ST8SIA2: variants seen among roughly 807,000 people sequenced by gnomAD.
ST8SIA2 encodes the protein ST8 alpha-N-acetyl-neuraminide alpha-2,8-sialyltransferase 2.
A neutral mutation model predicts 37.6 loss-of-function variants in ST8SIA2; 22 were observed. That is an observed-to-expected ratio of 0.58 (90% CI 0.42 to 0.83). The LOEUF is 0.83. ST8SIA2 is among the 40% of genes least tolerant of loss of function. The pLI is 0.00. For missense variants in ST8SIA2, 382 were observed against 484.7 expected (o/e 0.79, Z 1.99); for synonymous variants, 205 against 201.2 (o/e 1.02, Z -0.16).
chr15:92,404,254 T>A (rs2049491477), intron 1 of ST8SIA2, among the ~76,000 whole-genome samples: 1 of 152,214 alleles, frequency 6.6e-6, no homozygotes, highest in African/African-American at 2.4e-5. Context: ...AGAGCTACTC[T>A]TGGAAGATTA....
At position 92,464,448 on chromosome 15, in the gene ST8SIA2, G is replaced by T; in HGVS notation, c.*63G>T. ...TGCCAGCTACACCACAGGCAGATGG[G>T]AGTCGGGGTGGCACAAACAATAGAA... is the stretch of plus-strand genomic sequence containing the variant. On this transcript the variant is annotated 3_prime_UTR_variant, in exon 6 of 6. Coordinates refer to ENST00000268164, the MANE Select transcript of ST8SIA2 (RefSeq NM_006011.4). 6.3e-7 allele frequency: 1 copy of T among 1,586,634 alleles called. No individual in the cohort carries two copies. Among genetic ancestry groups the T allele is most frequent in the Middle Eastern group, 2.2e-4 (1 of 4,454 alleles).
chr15:92,394,035 C>T lies in ST8SIA2; in HGVS notation c.-30C>T, dbSNP rs376346311. ...CCGGCCCCTGCTCCTCGCGCCGGCCCGCGTGGGTCCCGGCGGGCGCGAACC... is the reference window on the plus strand; with the variant it reads ...CCGGCCCCTGCTCCTCGCGCCGGCCTGCGTGGGTCCCGGCGGGCGCGAACC... On this transcript the variant is annotated 5_prime_UTR_variant, in exon 1 of 6. Transcript: ENST00000268164. The T allele has an allele frequency of 1.7e-4, 258 of 1,532,640 alleles. No homozygotes were observed. The African/African-American group carries it at 3.4e-3, about 20-fold the overall frequency. The allele number at this position is 1,532,640 out of a possible 1,614,324, so 94.9% of individuals were successfully genotyped here. A position where few individuals can be genotyped will look rare whatever the true frequency, so the allele number is the denominator to read the frequency against.
chr15:92,428,586 G>A (rs542131692), intron 1 of ST8SIA2, among the ~76,000 whole-genome samples: 75 of 152,322 alleles, frequency 4.9e-4, no homozygotes, highest in Non-Finnish European at 7.5e-4. Flanking sequence ...CCAGGTGAAT[G>A]TGGGTTACAG....
intron 1 of ST8SIA2, chr15:92,420,896 T>C (rs1403574164): frequency 6.6e-6 from 1 of 152,180 alleles, no homozygotes; most frequent in Non-Finnish European, 1.5e-5. Context: ...ACTTGCTGTA[T>C]AGGAAAAGTA....
chr15:92,416,801 A>C (rs1483281988), intron 1 of ST8SIA2, among the ~76,000 whole-genome samples: 1 of 152,022 alleles, frequency 6.6e-6, no homozygotes, highest in Admixed American at 6.5e-5. Context: ...AGAAAAAAAA[A>C]TGCACATGTC....
chr15:92,451,153 A>G (rs1262589480), intron 5 of ST8SIA2, among the ~76,000 whole-genome samples: 1 of 152,186 alleles, frequency 6.6e-6, no homozygotes, highest in African/African-American at 2.4e-5. Flanking sequence ...GTATGAGGCC[A>G]CCCAGCATCT....
intron 1 of ST8SIA2, among the ~76,000 whole-genome samples, chr15:92,428,813 G>A (rs2049694760): frequency 6.6e-6 from 1 of 152,220 alleles, no homozygotes; most frequent in South Asian, 2.1e-4. Flanking sequence ...GAGACACTGG[G>A]TAGGTCATAA....
At position 92,464,526 on chromosome 15, in the gene ST8SIA2, A is replaced by G; in HGVS notation, c.*141A>G. On this transcript the variant is annotated 3_prime_UTR_variant, in exon 6 of 6. Transcript: ENST00000268164. ...AAGTGTAAAACAGTGACCAGAATAT[A>G]TATATCTATACCTGCATATATATAT... 1 of 854,774 alleles carries G rather than the reference A, an allele frequency of 1.2e-6. No individual in the cohort carries two copies. The highest frequency in any genetic ancestry group is 1.9e-6 in the Non-Finnish European group (1 of 522,040). 52.9% of individuals were successfully genotyped at this position (854,774 alleles called of 1,614,324 possible).
intron 3 of ST8SIA2, among the ~76,000 whole-genome samples, chr15:92,435,155 C>A (rs1256711431): frequency 1.3e-5 from 2 of 152,126 alleles, no homozygotes; most frequent in African/African-American, 2.4e-5. Context: ...ATCAGACATG[C>A]TAGCTGGGGA....
chr15:92,449,568 C>A (rs1308532148), intron 5 of ST8SIA2, among the ~76,000 whole-genome samples: 1 of 152,214 alleles, frequency 6.6e-6, no homozygotes, highest in Admixed American at 6.5e-5. Context: ...ACTTTCCTTG[C>A]AAAATCTCCA....
At chr15:92,432,732 G>A (rs1308287230) in intron 2 of ST8SIA2, among the ~76,000 whole-genome samples, 1 of 152,200 alleles carries the variant, frequency 6.6e-6, no homozygotes, top group Non-Finnish European at 1.5e-5. Flanking sequence ...CAAGAGAAGT[G>A]ATATCAGCCA....
chr15:92,438,899 C>A (rs1172735828), intron 4 of ST8SIA2, among the ~76,000 whole-genome samples: 1 of 152,224 alleles, frequency 6.6e-6, no homozygotes, highest in East Asian at 1.9e-4. Context: ...TTGAGAATCA[C>A]TGATCCACAG....
chr15:92,419,218 T>A (rs1307898724), intron 1 of ST8SIA2, among the ~76,000 whole-genome samples: 4 of 152,106 alleles, frequency 2.6e-5, no homozygotes, highest in Non-Finnish European at 4.4e-5. Context: ...ATCAGAGCTC[T>A]CTTGGTACAG....
chr15:92,456,564 C>A (rs537711977), intron 5 of ST8SIA2, among the ~76,000 whole-genome samples: 2 of 152,132 alleles, frequency 1.3e-5, no homozygotes, highest in Non-Finnish European at 2.9e-5. Flanking sequence ...AACAACATAC[C>A]GGACACAAAA....
Position 92,394,064 on chromosome 15 carries a change from C to T in ST8SIA2, c.-1C>T. The T allele has an allele frequency of 6.4e-7, 1 of 1,550,746 alleles. No individual in the cohort carries two copies. The highest frequency in any genetic ancestry group is 8.7e-7 in the Non-Finnish European group (1 of 1,146,676). ...TGGGTCCCGGCGGGCGCGAACCCAC[C>T]ATGCAGCTGCAGTTCCGGAGCTGGA... On this transcript the variant is annotated 5_prime_UTR_variant, in exon 1 of 6. Coordinates refer to ENST00000268164, the MANE Select transcript of ST8SIA2 (RefSeq NM_006011.4).
chr15:92,409,273 G>T (rs990531365), intron 1 of ST8SIA2, among the ~76,000 whole-genome samples: 1 of 152,168 alleles, frequency 6.6e-6, no homozygotes, highest in Non-Finnish European at 1.5e-5. Context: ...TATTAGGGAG[G>T]AGGGTTTTCA....
At chr15:92,413,707 G>T (rs946419663) in intron 1 of ST8SIA2, among the ~76,000 whole-genome samples, 16 of 152,224 alleles carry the variant, frequency 1.1e-4, no homozygotes, top group African/African-American at 3.6e-4. Context: ...TCAGGCCCCT[G>T]CGGTCATGTG....
At chr15:92,394,628 G>C (rs3784745) in intron 1 of ST8SIA2, among the ~76,000 whole-genome samples, 116,128 of 152,022 alleles carry the variant, frequency 0.76, 45,149 homozygotes, top group Non-Finnish European at 0.84. Context: ...AGGGGTTCCT[G>C]GGGCCGGAGC....
At chr15:92,460,572 C>T (rs1427691768) in intron 5 of ST8SIA2, among the ~76,000 whole-genome samples, 1 of 152,222 alleles carries the variant, frequency 6.6e-6, no homozygotes, top group East Asian at 1.9e-4. Context: ...AGCTTAGCTC[C>T]GTTGAGCGTA....
Sources: gnomAD v4.1 joint callset for allele counts (sites outside exome capture counted in the v4.1 genomes callset) on GRCh38, gnomAD v4.1.1 for gene constraint, MANE v1.5 for transcripts, NCBI Gene and HGNC (gene_info 2026-07-23, HGNC 2026-07-21) for gene names.